CPD: variants seen among roughly 807,000 people sequenced by gnomAD.
The protein encoded by CPD is metallocarboxypeptidase D.
A neutral mutation model predicts 138.3 loss-of-function variants in CPD; 69 were observed. The ratio of observed to expected loss-of-function variants is 0.50; its 90% CI spans 0.41 to 0.61. The LOEUF is 0.61. Among genes scored for constraint, CPD ranks in the 20% least tolerant of loss-of-function variants. The pLI, the probability that CPD is intolerant of heterozygous loss-of-function variation, is 0.00. For synonymous variants in CPD, 651 were observed against 642.1 expected, an observed-to-expected ratio of 1.01 and a Z score of -0.21; for missense variants, 1,432 against 1,733.3, an observed-to-expected ratio of 0.83 and a Z score of 3.09.
intron 6 of CPD, among the ~76,000 whole-genome samples, chr17:30,425,471 A>G (rs1345403868): frequency 2.0e-5 from 3 of 152,138 alleles, no homozygotes; most frequent in Admixed American, 2.0e-4. Flanking sequence ...CCTGGCCAAC[A>G]TGGTGAAACC....
chr17:30,436,816 G>T (rs1912716115), intron 8 of CPD, among the ~76,000 whole-genome samples: 1 of 152,162 alleles, frequency 6.6e-6, no homozygotes, highest in Non-Finnish European at 1.5e-5. Context: ...ACTTGTACAT[G>T]AATATTTGTA....
chr17:30,445,975 T>C lies in CPD; in HGVS notation c.2828T>C (p.Leu943Pro). ...YHSYKDLSEF[L>P]RGLVMNYPHI... ...TCCTACAAAGACTTATCAGAGTTTC[T>C]GAGAGGACTTGTAATGAACTATCCA... The change falls in exon 12 of 21, where the codon CTG (leucine) becomes CCG (proline). Residue 943 changes from leucine (L) to proline (P), a missense_variant. Physicochemically the swap from Leu to Pro is moderately conservative, Grantham distance 98. Around this residue, in one of 6 missense-constraint regions of CPD, gnomAD observed 124 missense variants for 117.0 expected, o/e 1.06. Transcript: ENST00000225719. 2 of 1,614,018 alleles carry C rather than the reference T, an allele frequency of 1.2e-6. No homozygotes were observed. The highest frequency in any genetic ancestry group is 1.7e-6 in the Non-Finnish European group (2 of 1,179,956).
At position 30,421,649 on chromosome 17, in the gene CPD, TTCTTG is replaced by T. The variant is rs1390759376; in HGVS notation, c.1138-10_1138-6del. On this transcript the variant is annotated splice_polypyrimidine_tract_variant and intron_variant, in intron 3 of 20. Transcript: ENST00000225719. ...CAAATTCACCGTCTCTGAGCTTGGATTCTTGTCTTCTTAGGTTCACATTGGAGTGA... is the reference window on the plus strand; with the variant it reads ...CAAATTCACCGTCTCTGAGCTTGGATTCTTCTTAGGTTCACATTGGAGTGA... 6.2e-7 allele frequency: 1 copy of T among 1,612,552 alleles called. No individual in the cohort carries two copies. The highest frequency in any genetic ancestry group is 8.5e-7 in the Non-Finnish European group (1 of 1,179,294).
chr17:30,423,454 C>A, intron 5 of CPD, 52 bp from the exon 6 acceptor site: 1 of 1,329,410 alleles, frequency 7.5e-7, no homozygotes, highest in Non-Finnish European at 1.0e-6. Flanking sequence ...AAACTGAGTC[C>A]ATGATGATTA....
Position 30,379,917 on chromosome 17 carries a change from TC to T in CPD, c.746+193del, listed in dbSNP as rs1910997259. Among the ~76,000 whole-genome samples the T allele has an allele frequency of 6.6e-6, 1 of 152,138 alleles. No individual in the cohort carries two copies. On this transcript the variant is annotated intron_variant, in intron 1 of 20. Coordinates refer to ENST00000225719, the MANE Select transcript of CPD (RefSeq NM_001304.5). The surrounding 1 kb of genome is among the most constrained non-coding windows in gnomAD (Gnocchi z 7.0). Reference sequence around the variant, plus strand: ...TCCTGCTAATCATCAAAGAATTGCCTCCTAGAGGCTGTCATTTGTTCAAGGG... The same window carrying T: ...TCCTGCTAATCATCAAAGAATTGCCTCTAGAGGCTGTCATTTGTTCAAGGG...
Position 30,451,709 on chromosome 17 carries a change from A to C in CPD, c.3070-2A>C. ...ACTCGTTAATTTCTGTTTGTGCTTC[A>C]GTTGGTTGACAGGACTAGGATTGTG... On this transcript the variant is annotated splice_acceptor_variant, in intron 13 of 20. Coordinates refer to ENST00000225719, the MANE Select transcript of CPD (RefSeq NM_001304.5). LOFTEE classifies it high-confidence loss of function. 4 of 1,612,084 alleles carry C rather than the reference A, an allele frequency of 2.5e-6. No homozygotes were observed. Among genetic ancestry groups the C allele is most frequent in the Non-Finnish European group, 3.4e-6 (4 of 1,179,132 alleles).
chr17:30,414,793 C>A (rs960172476), intron 2 of CPD, among the ~76,000 whole-genome samples: 4 of 152,078 alleles, frequency 2.6e-5, no homozygotes, highest in African/African-American at 9.7e-5. Context: ...AATGAAAGTG[C>A]CATTAACTGC....
intron 18 of CPD, 58 bp from the exon 19 acceptor site, chr17:30,461,816 AGTG>A (rs1913483614): frequency 1.4e-6 from 2 of 1,401,392 alleles, no homozygotes; most frequent in Non-Finnish European, 1.9e-6. Flanking sequence ...GCCTCAAGCT[AGTG>A]CCTCTACCAT....
intron 15 of CPD, 69 bp downstream of exon 15, chr17:30,455,539 C>T (rs933979773): frequency 2.3e-5 from 35 of 1,521,384 alleles, no homozygotes; most frequent in Non-Finnish European, 3.0e-5. Flanking sequence ...AAGTAATGTC[C>T]CTTCCACATT....
At chr17:30,438,836 A>G in intron 8 of CPD, 139 bp from the exon 9 acceptor site, 1 of 516,286 alleles carries the variant, frequency 1.9e-6, no homozygotes, top group East Asian at 3.4e-5. Flanking sequence ...CTCACTGCTC[A>G]TAGCCCCACC....
At chr17:30,430,466 C>T (rs767456473) in intron 7 of CPD, among the ~76,000 whole-genome samples, 2 of 152,168 alleles carry the variant, frequency 1.3e-5, no homozygotes, top group Non-Finnish European at 2.9e-5. Context: ...TATATCAGTA[C>T]TTCATTCCTT....
intron 2 of CPD, among the ~76,000 whole-genome samples, chr17:30,419,004 A>G (rs1912191963): frequency 6.6e-6 from 1 of 152,308 alleles, no homozygotes; most frequent in East Asian, 1.9e-4. Context: ...TATCTATCCT[A>G]TAAATATGCC....
At chr17:30,383,544 T>C (rs1473461336) in intron 1 of CPD, among the ~76,000 whole-genome samples, 1 of 152,198 alleles carries the variant, frequency 6.6e-6, no homozygotes, top group East Asian at 1.9e-4. Flanking sequence ...CTAATTATAA[T>C]TATATTAGTT....
At chr17:30,442,500 T>G (rs757389398) in intron 10 of CPD, 50 bp downstream of exon 10, 44 of 1,585,616 alleles carry the variant, frequency 2.8e-5, no homozygotes, top group Non-Finnish European at 1.7e-6. Context: ...GTGAAAAGAT[T>G]TTTGTGCGTA....
At chr17:30,427,369 A>G (rs2143429365) in intron 6 of CPD, 22 bp from the exon 7 acceptor site, 2 of 1,609,926 alleles carry the variant, frequency 1.2e-6, no homozygotes, top group East Asian at 4.5e-5. Flanking sequence ...CTTATATTCA[A>G]ATCCTTTATC....
In CPD at chr17:30,421,646, G is replaced by T. The variant is rs755865466; in HGVS notation, c.1138-18G>T. On this transcript the variant is annotated intron_variant, in intron 3 of 20. Coordinates refer to ENST00000225719, the MANE Select transcript of CPD (RefSeq NM_001304.5). ...TTCCAAATTCACCGTCTCTGAGCTTGGATTCTTGTCTTCTTAGGTTCACAT... is the reference window on the plus strand; with the variant it reads ...TTCCAAATTCACCGTCTCTGAGCTTTGATTCTTGTCTTCTTAGGTTCACAT... The T allele has an allele frequency of 9.9e-5, 160 of 1,611,822 alleles. No individual in the cohort carries two copies. Among genetic ancestry groups the T allele is most frequent in the Non-Finnish European group, 1.3e-4 (151 of 1,178,868 alleles).
chr17:30,453,298 T>C (rs919811780), intron 14 of CPD, among the ~76,000 whole-genome samples: 4 of 152,280 alleles, frequency 2.6e-5, no homozygotes, highest in Admixed American at 2.0e-4. Flanking sequence ...GGTACAGGCA[T>C]TGAGTAAATA....
intron 8 of CPD, among the ~76,000 whole-genome samples, chr17:30,433,866 G>A (rs1272385428): frequency 6.6e-6 from 1 of 152,162 alleles, no homozygotes; most frequent in Admixed American, 6.5e-5. Context: ...TGTTTCTCAT[G>A]TGTGTCTTAA....
At chr17:30,449,779 A>T (rs1409008681) in intron 13 of CPD, 31 bp downstream of exon 13, 4 of 1,521,610 alleles carry the variant, frequency 2.6e-6, no homozygotes, top group Non-Finnish European at 3.5e-6. Flanking sequence ...GACATGCTTT[A>T]AAAGGAAAAA....
Sources: gnomAD v4.1 joint callset for allele counts (sites outside exome capture counted in the v4.1 genomes callset) on GRCh38, gnomAD v4.1.1 for gene constraint, gnomAD v4.1.1 regional missense constraint, Gnocchi (gnomAD v3.1) non-coding constraint, MANE v1.5 for transcripts, NCBI Gene and HGNC (gene_info 2026-07-23, HGNC 2026-07-21) for gene names.